The following CLIP1 variants were observed in gnomAD, a reference collection of about 807,000 sequenced individuals.
CLIP1 encodes the protein CAP-Gly domain-containing linker protein 1.
A neutral mutation model predicts 161.6 loss-of-function variants in CLIP1; 66 were observed. The ratio of observed to expected loss-of-function variants is 0.41; its 90% CI spans 0.33 to 0.50. The LOEUF is 0.50. Ranked by LOEUF, CLIP1 falls within the 20% of genes least tolerant of loss-of-function variation. The pLI is 0.27. For missense variants in CLIP1, 1,376 were observed against 1,702.0 expected, an observed-to-expected ratio of 0.81 and a Z score of 3.37; for synonymous variants, 598 against 626.2, an observed-to-expected ratio of 0.96 and a Z score of 0.67.
chr12:122,341,943 C>G (rs954444951), intron 10 of CLIP1: 1 of 265,912 alleles, frequency 3.8e-6, no homozygotes, highest in African/African-American at 2.2e-5. Context: ...GCCACCACAC[C>G]CAGCTAATTT....
chr12:122,288,684 ACT>A, intron 20 of CLIP1, 143 bp from the exon 21 acceptor site: 1 of 645,368 alleles, frequency 1.5e-6, no homozygotes, highest in Non-Finnish European at 2.7e-6. Flanking sequence ...ACAAGTGGTC[ACT>A]CTATCACAGG....
intron 1 of CLIP1, among the ~76,000 whole-genome samples, chr12:122,408,265 G>A (rs900179267): frequency 1.4e-5 from 2 of 147,962 alleles, no homozygotes; most frequent in African/African-American, 5.0e-5. Context: ...TTTTTATTTT[G>A]CAAATGAGCA....
chr12:122,357,926 G>A (rs1345463807), intron 5 of CLIP1, among the ~76,000 whole-genome samples: 1 of 151,828 alleles, frequency 6.6e-6, no homozygotes, highest in Non-Finnish European at 1.5e-5. Context: ...CCACCACCCC[G>A]TCTGGGAGGT....
chr12:122,374,598 C>T (rs942936407), intron 3 of CLIP1, among the ~76,000 whole-genome samples: 3 of 152,032 alleles, frequency 2.0e-5, no homozygotes, highest in Non-Finnish European at 4.4e-5. Context: ...CCTGTCTCTA[C>T]TAAAAATACA....
chr12:122,320,731 T>A (rs976017130), intron 17 of CLIP1, among the ~76,000 whole-genome samples: 1 of 151,034 alleles, frequency 6.6e-6, no homozygotes, highest in Non-Finnish European at 1.5e-5. Flanking sequence ...TTTTTTTTTT[T>A]AGGCAGTCTC....
At chr12:122,385,566 A>G (rs1955219339) in intron 1 of CLIP1, among the ~76,000 whole-genome samples, 1 of 152,142 alleles carries the variant, frequency 6.6e-6, no homozygotes, top group African/African-American at 2.4e-5. Flanking sequence ...ACAGGATGGA[A>G]CTCAGAGGCC....
At chr12:122,346,525 C>T (rs1176967316) in intron 10 of CLIP1, among the ~76,000 whole-genome samples, 2 of 152,094 alleles carry the variant, frequency 1.3e-5, no homozygotes, top group African/African-American at 2.4e-5. Flanking sequence ...TTTTTCCAGA[C>T]AGAGTCTCAC....
chr12:122,318,773 G>A (rs1324526302), intron 18 of CLIP1, among the ~76,000 whole-genome samples: 2 of 152,098 alleles, frequency 1.3e-5, no homozygotes, highest in Admixed American at 6.6e-5. Flanking sequence ...ATATCTTGAC[G>A]CCACATATTT....
intron 17 of CLIP1, among the ~76,000 whole-genome samples, chr12:122,326,623 G>A (rs1245155545): frequency 2.0e-5 from 3 of 152,184 alleles, no homozygotes; most frequent in Admixed American, 6.5e-5. Flanking sequence ...AGGCTGCAGT[G>A]AGCCATGACT....
chr12:122,333,885 A>G (rs1377152408), intron 14 of CLIP1, 142 bp downstream of exon 14: 3 of 589,018 alleles, frequency 5.1e-6, no homozygotes, highest in Admixed American at 3.0e-5. Flanking sequence ...TCAAACAAGT[A>G]TTTCATCACA....
At chr12:122,366,369 C>T (rs1301215003) in intron 3 of CLIP1, among the ~76,000 whole-genome samples, 3 of 151,836 alleles carry the variant, frequency 2.0e-5, no homozygotes, top group African/African-American at 4.8e-5. Flanking sequence ...ACCTATAATC[C>T]CAGCACTTTG....
At chr12:122,347,271 T>C (rs1952795352) in intron 10 of CLIP1, 104 bp downstream of exon 10, 2 of 776,966 alleles carry the variant, frequency 2.6e-6, no homozygotes, top group Non-Finnish European at 4.4e-6. Context: ...CAAACTCAGG[T>C]TGAACCACTG....
intron 2 of CLIP1, among the ~76,000 whole-genome samples, chr12:122,379,944 TA>T (rs10661606): frequency 4.8e-4 from 48 of 99,732 alleles, no homozygotes; most frequent in African/African-American, 1.8e-3. Flanking sequence ...ACTCCATCTT[TA>T]AAAAAAAAAA....
intron 19 of CLIP1, among the ~76,000 whole-genome samples, chr12:122,314,325 G>T (rs1951181291): frequency 1.3e-5 from 2 of 149,716 alleles, no homozygotes; most frequent in African/African-American, 4.9e-5. Context: ...AAAAAAATTA[G>T]CTGGGCATGG....
At chr12:122,288,676 A>T (rs1190342705) in intron 20 of CLIP1, 135 bp from the exon 21 acceptor site, 7 of 667,772 alleles carry the variant, frequency 1.0e-5, no homozygotes, top group African/African-American at 1.8e-5. Context: ...GAAGAGGGAC[A>T]AGTGGTCACT....
chr12:122,391,410 A>AC (rs1955658341), intron 1 of CLIP1, among the ~76,000 whole-genome samples: 1 of 151,898 alleles, frequency 6.6e-6, no homozygotes, highest in Admixed American at 6.6e-5. Context: ...ACATGGTGAC[A>AC]CCCCATCTCT....
At chr12:122,275,584 C>G (rs925126657) in intron 24 of CLIP1, 2 of 151,886 alleles carry the variant, frequency 1.3e-5, no homozygotes, top group Non-Finnish European at 2.9e-5. Context: ...GCAGTCCAGC[C>G]TGGGCAACAG....
rs183592577 is a variant in CLIP1, at chr12:122,292,518, A to G, written c.3595-3977T>C. Among the ~76,000 whole-genome samples the G allele has an allele frequency of 1.4e-4, 22 of 152,172 alleles. No homozygotes were observed. The East Asian group carries it at 4.1e-3, about 28-fold the overall frequency. ...ACACAAAATATTCCAAGCTCACCTT[A>G]TACTCTTTCCGTCCCAGCCCTGGCA... On this transcript the variant is annotated intron_variant, in intron 20 of 25. Transcript: ENST00000620786.
Position 122,272,993 on chromosome 12 carries a change from G to A in CLIP1, c.4199C>T (p.Ser1400Leu), listed in dbSNP as rs965447390. Reference sequence around the variant, plus strand: ...GTGTGTGGAATGGGGAGGGTCCTCTGACATCTGTGCCTGGGTAGGACAATC... The same window carrying A: ...GTGTGTGGAATGGGGAGGGTCCTCTAACATCTGTGCCTGGGTAGGACAATC... The part of the protein sequence containing the change: ...TEDCPTQAQM[S>L]EDPPHSTHHG... The change falls in exon 26 of 26, where the codon TCA (serine) becomes TTA (leucine). Residue 1400 changes from serine to leucine, a missense_variant. Around this residue, in one of 6 missense-constraint regions of CLIP1, gnomAD observed 948 missense variants for 1,134.8 expected, o/e 0.84. Coordinates refer to ENST00000620786, the MANE Select transcript of CLIP1 (RefSeq NM_001247997.2). The A allele has an allele frequency of 6.2e-6, 10 of 1,614,164 alleles. No individual in the cohort carries two copies. The highest frequency in any genetic ancestry group is 4.0e-5 in the African/African-American group (3 of 75,042).
Sources: gnomAD v4.1 joint callset for allele counts (sites outside exome capture counted in the v4.1 genomes callset) on GRCh38, gnomAD v4.1.1 for gene constraint, gnomAD v4.1.1 regional missense constraint, MANE v1.5 for transcripts, NCBI Gene and HGNC (gene_info 2026-07-23, HGNC 2026-07-21) for gene names.